Variants in CNTNAP2 observed in about 807,000 individuals in gnomAD.
CNTNAP2 encodes contactin associated protein 2, also known as contactin-associated protein-like 2.
A neutral mutation model predicts 155.2 loss-of-function variants in CNTNAP2; 98 were observed. The observed-to-expected ratio is 0.63, with a 90% CI of 0.54 to 0.75. The LOEUF is 0.75. CNTNAP2 is among the 30% of genes least tolerant of loss of function. The pLI is 0.00. For missense variants in CNTNAP2, 1,727 were observed against 1,688.1 expected, an observed-to-expected ratio of 1.02 and a Z score of -0.40; for synonymous variants, 651 against 631.2, an observed-to-expected ratio of 1.03 and a Z score of -0.47.
At chr7:146,276,992 G>T (rs774565010) in intron 1 of CNTNAP2, among the ~76,000 whole-genome samples, 23 of 152,134 alleles carry the variant, frequency 1.5e-4, no homozygotes, top group Non-Finnish European at 3.1e-4. Flanking sequence ...TTAAGTGAAA[G>T]ATTTAAAGAT....
At chr7:148,394,520 G>C (rs1364184539) in intron 22 of CNTNAP2, among the ~76,000 whole-genome samples, 2 of 152,060 alleles carry the variant, frequency 1.3e-5, no homozygotes, top group Non-Finnish European at 2.9e-5. Context: ...GTGGATTTGA[G>C]AATTTTAATC....
intron 3 of CNTNAP2, among the ~76,000 whole-genome samples, chr7:146,870,498 A>G (rs1476654161): frequency 6.6e-6 from 1 of 152,160 alleles, no homozygotes; most frequent in Non-Finnish European, 1.5e-5. Flanking sequence ...AGTAGCAAAC[A>G]TTATGAAAAT....
rs1799507539 is a variant in CNTNAP2 at position 147,880,855 on chromosome 7, GT to G, written c.2099-22709del. On this transcript the variant is annotated intron_variant, in intron 13 of 23. Transcript: ENST00000361727. ...ATTTTCATGTGATGATTGGAGTTGG[GT>G]GTGTGTGTGTGTGTGTGTGTGTGTG... is the stretch of plus-strand genomic sequence containing the variant. 3.3e-4 allele frequency among the ~76,000 whole-genome samples: 5 copies of G among 15,106 alleles called. No homozygotes were observed. In the South Asian group the frequency reaches 4.7e-3, roughly 14 times the overall value. The allele number at this position is 15,106 out of a possible 152,430, so 9.9% of individuals were successfully genotyped here. A position where few individuals can be genotyped will look rare whatever the true frequency, so the allele number is the denominator to read the frequency against.
intron 1 of CNTNAP2, among the ~76,000 whole-genome samples, chr7:146,119,600 G>C (rs934789294): frequency 2.0e-5 from 3 of 152,060 alleles, no homozygotes; most frequent in Non-Finnish European, 4.4e-5. Flanking sequence ...TCACTCTTAG[G>C]GAGTTGCATT....
intron 1 of CNTNAP2, among the ~76,000 whole-genome samples, chr7:146,571,504 T>C (rs1355574674): frequency 6.6e-6 from 1 of 152,080 alleles, no homozygotes; most frequent in East Asian, 1.9e-4. Context: ...CATTAATAGT[T>C]TATAGGACTT....
At chr7:147,231,836 A>G (rs760926044) in intron 8 of CNTNAP2, among the ~76,000 whole-genome samples, 1 of 152,188 alleles carries the variant, frequency 6.6e-6, no homozygotes, top group Non-Finnish European at 1.5e-5. Flanking sequence ...ACTCCTCATC[A>G]GATATAAGGT....
chr7:147,908,891 GT>G (rs1800012842), intron 14 of CNTNAP2, among the ~76,000 whole-genome samples: 1 of 152,162 alleles, frequency 6.6e-6, no homozygotes, highest in African/African-American at 2.4e-5. Context: ...TCCTTTCTGT[GT>G]GATCTAAGTC....
chr7:147,519,264 G>A (rs1314491767), intron 11 of CNTNAP2, among the ~76,000 whole-genome samples: 1 of 152,036 alleles, frequency 6.6e-6, no homozygotes, highest in Non-Finnish European at 1.5e-5. Flanking sequence ...TGGGCTTAGG[G>A]CACTGGCCGT....
At chr7:147,601,644 A>AAAAAAAATATATATATAT (rs1299075338) in intron 12 of CNTNAP2, among the ~76,000 whole-genome samples, 1 of 87,464 alleles carries the variant, frequency 1.1e-5, no homozygotes, top group African/African-American at 4.3e-5. Context: ...CTTAAAAAAA[A>AAAAAAAATATATATATAT]ATATATATAT....
At chr7:147,258,034 T>C (rs1383796603) in intron 8 of CNTNAP2, among the ~76,000 whole-genome samples, 2 of 152,110 alleles carry the variant, frequency 1.3e-5, no homozygotes. Flanking sequence ...ATGATGATGG[T>C]TTGCTAAAGA....
At chr7:146,306,222 C>G (rs888178646) in intron 1 of CNTNAP2, among the ~76,000 whole-genome samples, 11 of 151,966 alleles carry the variant, frequency 7.2e-5, no homozygotes, top group Admixed American at 7.2e-4. Context: ...CTGAATAGAC[C>G]AATAACAGGT....
At chr7:147,248,536 A>G (rs1361552619) in intron 8 of CNTNAP2, among the ~76,000 whole-genome samples, 1 of 152,154 alleles carries the variant, frequency 6.6e-6, no homozygotes, top group African/African-American at 2.4e-5. Context: ...GGGTTTGATG[A>G]GTTACTTTTC....
chr7:148,041,060 GA>G (rs1563177859), intron 15 of CNTNAP2, among the ~76,000 whole-genome samples: 1 of 152,204 alleles, frequency 6.6e-6, no homozygotes, highest in Non-Finnish European at 1.5e-5. Context: ...AAGCTTCTGT[GA>G]AAGCATAATG....
At chr7:147,493,510 A>G (rs182059833) in intron 11 of CNTNAP2, among the ~76,000 whole-genome samples, 7 of 152,170 alleles carry the variant, frequency 4.6e-5, no homozygotes, top group East Asian at 1.9e-4. Context: ...TCATTCATCA[A>G]TATATTGAGA....
At chr7:148,212,352 C>T (rs1460498847) in intron 18 of CNTNAP2, among the ~76,000 whole-genome samples, 1 of 152,128 alleles carries the variant, frequency 6.6e-6, no homozygotes, top group African/African-American at 2.4e-5. Flanking sequence ...TGAAGGTTAA[C>T]TGTCAACTTT....
intron 1 of CNTNAP2, among the ~76,000 whole-genome samples, chr7:146,416,553 C>A (rs905334695): frequency 6.6e-6 from 1 of 152,064 alleles, no homozygotes; most frequent in Non-Finnish European, 1.5e-5. Context: ...CCACACCTGG[C>A]ACATGCACAT....
chr7:147,095,863 T>C (rs1278826160), intron 4 of CNTNAP2, among the ~76,000 whole-genome samples: 1 of 152,184 alleles, frequency 6.6e-6, no homozygotes, highest in Non-Finnish European at 1.5e-5. Flanking sequence ...TTCTTGTTCC[T>C]ATGAAGCCCA....
intron 20 of CNTNAP2, among the ~76,000 whole-genome samples, chr7:148,250,674 A>G (rs879272396): frequency 6.6e-6 from 1 of 152,166 alleles, no homozygotes; most frequent in Non-Finnish European, 1.5e-5. Flanking sequence ...CAGCTAGCAG[A>G]ACACTGCAGG....
Position 148,412,002 on chromosome 7 carries a change from G to C in CNTNAP2, c.3796+2531G>C, listed in dbSNP as rs1182749768. 3.9e-5 allele frequency among the ~76,000 whole-genome samples: 6 copies of C among 152,102 alleles called. No individual in the cohort carries two copies. In the East Asian group the frequency reaches 1.2e-3, roughly 29 times the overall value. On this transcript the variant is annotated intron_variant, in intron 23 of 23. Coordinates refer to ENST00000361727, the MANE Select transcript of CNTNAP2 (RefSeq NM_014141.6). Reference sequence around the variant, plus strand: ...CTTTGTTGCCAGGCTGGAGTACAGTGGCGCGATCTCGGCTCATGCAACCTC... The same window carrying C: ...CTTTGTTGCCAGGCTGGAGTACAGTCGCGCGATCTCGGCTCATGCAACCTC...
Sources: gnomAD v4.1 joint callset for allele counts (sites outside exome capture counted in the v4.1 genomes callset) on GRCh38, gnomAD v4.1.1 for gene constraint, MANE v1.5 for transcripts, NCBI Gene and HGNC (gene_info 2026-07-23, HGNC 2026-07-21) for gene names.